CHRM2: variants seen among roughly 807,000 people sequenced by gnomAD.
CHRM2 encodes cholinergic receptor muscarinic 2.
Under a neutral mutation model 25.0 loss-of-function variants are expected in CHRM2, and 8 were observed. That is an observed-to-expected ratio of 0.32 (90% CI 0.19 to 0.58). CHRM2 has a LOEUF of 0.58. CHRM2 is among the 20% of genes least tolerant of loss of function. The pLI, the probability that CHRM2 is intolerant of heterozygous loss-of-function variation, is 0.88. For missense variants in CHRM2, 440 were observed against 567.1 expected, an observed-to-expected ratio of 0.78 and a Z score of 2.28; for synonymous variants, 202 against 205.7, an observed-to-expected ratio of 0.98 and a Z score of 0.15.
intron 3 of CHRM2, among the ~76,000 whole-genome samples, chr7:137,007,753 G>A (rs986187073): frequency 6.6e-6 from 1 of 151,950 alleles, no homozygotes; most frequent in Non-Finnish European, 1.5e-5. Context: ...GATTGGTAAG[G>A]GTCATTATAA....
chr7:136,909,792 C>CT (rs1169610177), intron 2 of CHRM2, among the ~76,000 whole-genome samples: 1 of 151,870 alleles, frequency 6.6e-6, no homozygotes, highest in African/African-American at 2.4e-5. Flanking sequence ...TCTTATATAA[C>CT]TAACACAAAT....
chr7:136,876,922 A>C (rs930162928), intron 2 of CHRM2, among the ~76,000 whole-genome samples: 1 of 152,116 alleles, frequency 6.6e-6, no homozygotes, highest in Non-Finnish European at 1.5e-5. Flanking sequence ...CATTTAAAAG[A>C]GATTAATTCA....
intron 2 of CHRM2, among the ~76,000 whole-genome samples, chr7:136,953,712 C>A (rs532554945): frequency 8.6e-4 from 121 of 140,168 alleles, no homozygotes; most frequent in African/African-American, 3.1e-3. Flanking sequence ...GAGCAGGCAT[C>A]CTATGCCTTA....
At position 137,019,991 on chromosome 7, in the gene CHRM2, T is replaced by C. The variant is rs1210332792; in HGVS notation, c.*3725T>C. 1.3e-5 allele frequency: 2 copies of C among 151,796 alleles called. No individual in the cohort carries two copies. The highest frequency in any genetic ancestry group is 4.8e-5 in the African/African-American group (2 of 41,376). 9.4% of individuals were successfully genotyped at this position (151,796 alleles called of 1,614,324 possible). A position where few individuals can be genotyped will look rare whatever the true frequency, so the allele number is the denominator to read the frequency against. On this transcript the variant is annotated 3_prime_UTR_variant, in exon 4 of 4. Transcript: ENST00000680005. ...TCCCTTTCAACAACCATAGTACCGG[T>C]GTTGCAAATAGTTTAGGAAAGCACC...
chr7:136,969,938 G>A (rs1801654507), intron 2 of CHRM2, among the ~76,000 whole-genome samples: 2 of 152,130 alleles, frequency 1.3e-5, no homozygotes, highest in Admixed American at 6.5e-5. Context: ...CAAGATCATG[G>A]TTTAGGCCAA....
chr7:136,917,522 C>T (rs538070525), intron 2 of CHRM2, among the ~76,000 whole-genome samples: 1 of 152,100 alleles, frequency 6.6e-6, no homozygotes, highest in East Asian at 1.9e-4. Context: ...TCCCAGGGTT[C>T]CACTCTGCAT....
chr7:136,881,113 CTG>C lies in CHRM2; in HGVS notation c.-125+11698_-125+11699del. Among the ~76,000 whole-genome samples the C allele has an allele frequency of 8.1e-5, 12 of 149,068 alleles. No individual in the cohort carries two copies. In the South Asian group the frequency reaches 2.6e-3, roughly 32 times the overall value. On this transcript the variant is annotated intron_variant, in intron 2 of 3. Coordinates refer to ENST00000680005, the MANE Select transcript of CHRM2 (RefSeq NM_001006630.2). ...GTATTTCCACTGCCCTAAAAAGCCTCTGTGCCCCTTCCATCTAGTATCCTCTT... is the reference window on the plus strand; with the variant it reads ...GTATTTCCACTGCCCTAAAAAGCCTCTGCCCCTTCCATCTAGTATCCTCTT...
rs143952141 is a variant in CHRM2, at chr7:137,015,539, T to A, written c.674T>A (p.Val225Asp). The A allele has an allele frequency of 5.8e-5, 93 of 1,613,012 alleles. No individual in the cohort carries two copies. In the African/African-American group the frequency reaches 1.1e-3, roughly 19 times the overall value. Reference sequence around the variant, plus strand: ...ATAAAGAAGGACAAGAAGGAGCCTGTTGCCAACCAAGACCCCGTTTCTCCA... The same window carrying A: ...ATAAAGAAGGACAAGAAGGAGCCTGATGCCAACCAAGACCCCGTTTCTCCA... ...SRIKKDKKEPVANQDPVSPSL... is the reference protein window; with the variant it reads ...SRIKKDKKEPDANQDPVSPSL... Residue 225 changes from valine (V) to aspartate (D), a missense_variant, in exon 4 of 4, where the codon GTT becomes GAT. Physicochemically the swap from Val to Asp is radical, Grantham distance 152. Transcript: ENST00000680005. This position sits in a 1 kb window ranked among gnomAD's most constrained non-coding sequence, Gnocchi z 5.1.
At position 136,927,334 on chromosome 7, in the gene CHRM2, T is replaced by C. The variant is rs1369967758; in HGVS notation, c.-125+57916T>C. Among the ~76,000 whole-genome samples, 4 of 152,306 alleles carry C rather than the reference T, an allele frequency of 2.6e-5. No individual in the cohort carries two copies. In the East Asian group the frequency reaches 7.7e-4, roughly 29 times the overall value. On this transcript the variant is annotated intron_variant, in intron 2 of 3. Coordinates refer to ENST00000680005, the MANE Select transcript of CHRM2 (RefSeq NM_001006630.2). Reference sequence around the variant, plus strand: ...GTGCTAGGAGCGAACCAAGTGACTATGTGACCTTAGATAAATTGTTGAGCT... The same window carrying C: ...GTGCTAGGAGCGAACCAAGTGACTACGTGACCTTAGATAAATTGTTGAGCT...
intron 2 of CHRM2, among the ~76,000 whole-genome samples, chr7:136,875,209 T>C (rs1006368219): frequency 1.3e-5 from 2 of 151,250 alleles, no homozygotes; most frequent in Admixed American, 1.3e-4. Flanking sequence ...TATACATATA[T>C]ACATATACAT....
rs562818253 is a variant in CHRM2, at chr7:136,916,917, TC to T, written c.-125+47500del. On this transcript the variant is annotated intron_variant, in intron 2 of 3. Transcript: ENST00000680005. ...TCTTTAGTTATCGAGAAACTTAGTC[TC>T]AGATCTCAGTGTTTTAATTCAGTTT... 1.7e-3 allele frequency among the ~76,000 whole-genome samples: 261 copies of T among 151,774 alleles called. 2 individuals are homozygous for T. The highest frequency in any genetic ancestry group is 5.4e-3 in the African/African-American group (222 of 41,478).
chr7:136,913,637 A>C (rs2130697613), intron 2 of CHRM2, among the ~76,000 whole-genome samples: 1 of 152,110 alleles, frequency 6.6e-6, no homozygotes, highest in African/African-American at 2.4e-5. Flanking sequence ...TTTTTTTGAG[A>C]CGAAGTCTCA....
chr7:136,949,081 C>G (rs1318446081), intron 2 of CHRM2, among the ~76,000 whole-genome samples: 1 of 152,164 alleles, frequency 6.6e-6, no homozygotes, highest in African/African-American at 2.4e-5. Context: ...CACAAAGACA[C>G]TAGGCGGTGT....
Position 137,018,739 on chromosome 7 carries a change from G to A in CHRM2, c.*2473G>A, listed in dbSNP as rs1407917218. The A allele has an allele frequency of 6.6e-6, 1 of 151,842 alleles. No individual in the cohort carries two copies. Among genetic ancestry groups the A allele is most frequent in the Non-Finnish European group, 1.5e-5 (1 of 67,918 alleles). The allele number at this position is 151,842 out of a possible 1,614,324, so 9.4% of individuals were successfully genotyped here. A position where few individuals can be genotyped will look rare whatever the true frequency, so the allele number is the denominator to read the frequency against. ...CAGCCACTGCAACCTCATTGAAAGA[G>A]AAACTGTCACTTTAAAGAAAGAAAT... On this transcript the variant is annotated 3_prime_UTR_variant, in exon 4 of 4. Coordinates refer to ENST00000680005, the MANE Select transcript of CHRM2 (RefSeq NM_001006630.2).
At chr7:136,941,703 T>G (rs993439996) in intron 2 of CHRM2, among the ~76,000 whole-genome samples, 1 of 152,236 alleles carries the variant, frequency 6.6e-6, no homozygotes, top group African/African-American at 2.4e-5. Context: ...ACTGAGAATA[T>G]CAGTGTCACT....
chr7:136,908,765 C>T (rs1396947700), intron 2 of CHRM2, among the ~76,000 whole-genome samples: 1 of 151,718 alleles, frequency 6.6e-6, no homozygotes, highest in Non-Finnish European at 1.5e-5. Context: ...TGATGAGTAT[C>T]CTGCAAAAGC....
At chr7:136,960,783 A>G (rs758027458) in intron 2 of CHRM2, among the ~76,000 whole-genome samples, 4 of 152,180 alleles carry the variant, frequency 2.6e-5, no homozygotes, top group Non-Finnish European at 5.9e-5. Context: ...TTCACTTGCA[A>G]TGGTTCAACT....
chr7:136,926,425 A>G (rs1798755775), intron 2 of CHRM2, among the ~76,000 whole-genome samples: 1 of 152,216 alleles, frequency 6.6e-6, no homozygotes, highest in East Asian at 1.9e-4. Flanking sequence ...TCTGGGTTGA[A>G]GAACTGATCA....
At chr7:136,973,702 T>C (rs1199871484) in intron 2 of CHRM2, among the ~76,000 whole-genome samples, 1 of 151,714 alleles carries the variant, frequency 6.6e-6, no homozygotes, top group Non-Finnish European at 1.5e-5. Flanking sequence ...TAGGTAATGA[T>C]GATGATGGCA....
Sources: allele counts gnomAD v4.1 joint callset (sites outside exome capture counted in the v4.1 genomes callset), GRCh38; gene constraint gnomAD v4.1.1; non-coding constraint Gnocchi (gnomAD v3.1); transcripts MANE v1.5; gene names NCBI Gene and HGNC (gene_info 2026-07-23, HGNC 2026-07-21).